Variants in PIK3R4 observed in about 807,000 individuals in gnomAD.
PIK3R4 encodes phosphoinositide 3-kinase regulatory subunit 4.
PIK3R4 carries 46 observed loss-of-function variants against 136.5 expected under a neutral mutation model. The ratio of observed to expected loss-of-function variants is 0.34; its 90% CI spans 0.27 to 0.43. PIK3R4 has a LOEUF of 0.43. Among genes scored for constraint, PIK3R4 ranks in the 20% least tolerant of loss-of-function variants. PIK3R4 has a pLI of 1.00. For synonymous variants in PIK3R4, 557 were observed against 566.7 expected, an observed-to-expected ratio of 0.98 and a Z score of 0.24; for missense variants, 1,331 against 1,649.5, an observed-to-expected ratio of 0.81 and a Z score of 3.35.
intron 17 of PIK3R4, 75 bp downstream of exon 17, chr3:130,681,416 G>A (rs979310355): frequency 6.1e-6 from 6 of 989,716 alleles, no homozygotes; most frequent in Admixed American, 5.6e-5. Context: ...CAGATACTAG[G>A]TTTGATTAAA....
At chr3:130,703,564 A>T (rs1160166173) in intron 13 of PIK3R4, among the ~76,000 whole-genome samples, 159 bp downstream of exon 13, 2 of 151,982 alleles carry the variant, frequency 1.3e-5, no homozygotes, top group Admixed American at 1.3e-4. Context: ...ATTGTCTCTC[A>T]CTTTCCACTA....
In PIK3R4 at chr3:130,679,444, G is replaced by T. The variant is rs537201013; in HGVS notation, c.3948C>A (p.Thr1316=). ...GCAGGGACTCTGGGCCCCTTCGAGG[G>T]GTGTCATCACTTGGTCCTACTTTCT... ...NKQKVGPSDD[T]PRRGPESLPV... The change falls in exon 20 of 20, where the codon ACC becomes ACA. Residue 1316 remains threonine, a synonymous_variant. Transcript: ENST00000356763. 2 of 1,612,544 alleles carry T rather than the reference G, an allele frequency of 1.2e-6. No individual in the cohort carries two copies. Among genetic ancestry groups the T allele is most frequent in the Non-Finnish European group, 8.5e-7 (1 of 1,178,992 alleles).
At chr3:130,701,829 T>C (rs959530512) in intron 13 of PIK3R4, among the ~76,000 whole-genome samples, 25 of 152,054 alleles carry the variant, frequency 1.6e-4, no homozygotes, top group African/African-American at 5.6e-4. Flanking sequence ...GTATCTTATT[T>C]TGAAATCATT....
intron 7 of PIK3R4, 58 bp downstream of exon 7, chr3:130,723,356 C>T: frequency 6.9e-7 from 1 of 1,441,726 alleles, no homozygotes; most frequent in South Asian, 1.3e-5. Flanking sequence ...TTTATATTAC[C>T]TAGAAATTTT....
At chr3:130,740,139 T>C (rs958358825) in intron 2 of PIK3R4, among the ~76,000 whole-genome samples, 2 of 152,068 alleles carry the variant, frequency 1.3e-5, no homozygotes, top group Non-Finnish European at 2.9e-5. Context: ...AATTTCAAAC[T>C]AAAATGTATA....
intron 13 of PIK3R4, among the ~76,000 whole-genome samples, chr3:130,701,248 A>G (rs1333914348): frequency 3.9e-5 from 6 of 152,168 alleles, no homozygotes. Context: ...GCGGTGGCTC[A>G]CACCCGTAAA....
chr3:130,689,235 A>G (rs1461896585), intron 14 of PIK3R4, among the ~76,000 whole-genome samples: 2 of 152,216 alleles, frequency 1.3e-5, no homozygotes, highest in East Asian at 3.8e-4. Flanking sequence ...GCTTTAAGAC[A>G]GTAACATTTA....
At chr3:130,713,791 G>A (rs1352904811) in intron 9 of PIK3R4, among the ~76,000 whole-genome samples, 1 of 152,134 alleles carries the variant, frequency 6.6e-6, no homozygotes, top group Non-Finnish European at 1.5e-5. Flanking sequence ...CCCTGCCTCA[G>A]CCTCCCAAGT....
chr3:130,692,704 GCCCACAGGGGC>G (rs1038142239), intron 13 of PIK3R4, among the ~76,000 whole-genome samples: 22 of 152,154 alleles, frequency 1.4e-4, no homozygotes, highest in African/African-American at 5.3e-4. Context: ...CAAACACAAT[GCCCACAGGGGC>G]CCCACAGGGG....
chr3:130,727,453 A>G (rs1454027211), intron 6 of PIK3R4, among the ~76,000 whole-genome samples: 4 of 152,086 alleles, frequency 2.6e-5, no homozygotes, highest in East Asian at 1.9e-4. Context: ...TCGATCTCCT[A>G]ACCTCGTGAT....
At chr3:130,690,312 A>T (rs2066509286) in intron 14 of PIK3R4, among the ~76,000 whole-genome samples, 178 bp downstream of exon 14, 1 of 152,152 alleles carries the variant, frequency 6.6e-6, no homozygotes, top group African/African-American at 2.4e-5. Flanking sequence ...GACAGTTTTG[A>T]GCTGGAAGCA....
At chr3:130,728,038 ATTTT>A (rs1328197528) in intron 6 of PIK3R4, among the ~76,000 whole-genome samples, 3 of 152,174 alleles carry the variant, frequency 2.0e-5, no homozygotes, top group African/African-American at 7.2e-5. Flanking sequence ...CCATGATTAT[ATTTT>A]AACTTATTTT....
In PIK3R4 at chr3:130,708,321, T is replaced by C. The variant is rs1267180176; in HGVS notation, c.2503A>G (p.Lys835Glu). 1 of 1,613,746 alleles carries C rather than the reference T, an allele frequency of 6.2e-7. No individual in the cohort carries two copies. The highest frequency in any genetic ancestry group is 1.3e-5 in the African/African-American group (1 of 75,030). The change falls in exon 10 of 20, where the codon AAA becomes GAA. Residue 835 changes from lysine (K) to glutamate (E), a missense_variant. By Grantham distance (56) the Lys-to-Glu change is moderately conservative (BLOSUM62 1). Coordinates refer to ENST00000356763, the MANE Select transcript of PIK3R4 (RefSeq NM_014602.3). ...TTGTCATCTGGTTCTTGTTTGGTTT[T>C]AACAAGATCAACTTGTCTCCCAGTT... ...GITGRQVDLV[K>E]TKQEPDDKRA...
At chr3:130,735,784 A>G (rs2066782712) in intron 3 of PIK3R4, 85 bp downstream of exon 3, 3 of 1,240,320 alleles carry the variant, frequency 2.4e-6, no homozygotes, top group Non-Finnish European at 3.4e-6. Flanking sequence ...TTCCAAATTT[A>G]CAACATTCCA....
intron 13 of PIK3R4, among the ~76,000 whole-genome samples, chr3:130,691,158 C>T (rs1023343040): frequency 1.4e-4 from 22 of 152,196 alleles, no homozygotes; most frequent in Middle Eastern, 6.8e-3. Context: ...TGGTCCTGAT[C>T]CTATCTTCTT....
In PIK3R4 at chr3:130,735,597, C is replaced by T. The variant is rs78718284; in HGVS notation, c.867+272G>A. On this transcript the variant is annotated intron_variant, in intron 3 of 19. Transcript: ENST00000356763. ...CTCCAACCCCTAGAAACTACCTTAC[C>T]TCCTTCCAAATCTGTAAAAAGCACA... Among the ~76,000 whole-genome samples, 187 of 152,290 alleles carry T rather than the reference C, an allele frequency of 1.2e-3. 2 individuals carry two copies. The East Asian group carries it at 0.034, about 27-fold the overall frequency.
At chr3:130,721,917 G>C (rs1205412293) in intron 7 of PIK3R4, among the ~76,000 whole-genome samples, 1 of 151,984 alleles carries the variant, frequency 6.6e-6, no homozygotes, top group East Asian at 1.9e-4. Flanking sequence ...TAAAGAAAAA[G>C]AACTATGGAT....
In PIK3R4 at chr3:130,718,411, T is replaced by C. The variant is rs770302817; in HGVS notation, c.2105A>G (p.Tyr702Cys). The change falls in exon 8 of 20, where the codon TAT becomes TGT. Residue 702 changes from tyrosine to cysteine, a missense_variant. This residue lies in a region of PIK3R4 where 1,180 missense variants were observed against 1,407.0 expected (regional missense o/e 0.84). Coordinates refer to ENST00000356763, the MANE Select transcript of PIK3R4 (RefSeq NM_014602.3). ...TACCTGTATTATTGGTTGGGTAATA[T>C]ATGGGTCAAGATAAGGCATCAGTTT... ...YCKLMPYLDPYITQPIIQIER... is the reference protein window; with the variant it reads ...YCKLMPYLDPCITQPIIQIER... 1 of 1,613,688 alleles carries C rather than the reference T, an allele frequency of 6.2e-7. No individual in the cohort carries two copies. Among genetic ancestry groups the C allele is most frequent in the Non-Finnish European group, 8.5e-7 (1 of 1,179,654 alleles).
At chr3:130,718,081 A>C (rs568498237) in intron 8 of PIK3R4, among the ~76,000 whole-genome samples, 58 of 152,318 alleles carry the variant, frequency 3.8e-4, no homozygotes, top group South Asian at 3.3e-3. Flanking sequence ...AGGGCCATCA[A>C]TATACATTTT....
Sources: gnomAD v4.1 joint callset for allele counts (sites outside exome capture counted in the v4.1 genomes callset) on GRCh38, gnomAD v4.1.1 for gene constraint, gnomAD v4.1.1 regional missense constraint, MANE v1.5 for transcripts, NCBI Gene and HGNC (gene_info 2026-07-23, HGNC 2026-07-21) for gene names.